DMBT1: variants seen among roughly 807,000 people sequenced by gnomAD.
DMBT1 encodes scavenger receptor cysteine-rich domain-containing protein DMBT1.
Under a neutral mutation model 252.9 loss-of-function variants are expected in DMBT1, and 198 were observed. That is an observed-to-expected ratio of 0.78 (90% CI 0.70 to 0.88). The LOEUF is 0.88. DMBT1 is among the 40% of genes least tolerant of loss of function. The pLI is 0.00. For synonymous variants in DMBT1, 990 were observed against 942.7 expected (o/e 1.05, Z -0.92); for missense variants, 2,432 against 2,404.7 (o/e 1.01, Z -0.24).
At chr10:122,626,990 G>A (rs1237237307) in intron 46 of DMBT1, among the ~76,000 whole-genome samples, 6 of 152,166 alleles carry the variant, frequency 3.9e-5, no homozygotes, top group African/African-American at 1.4e-4. Flanking sequence ...GGGCAAGGAG[G>A]GACTGCAGGA....
rs766724935 is a variant in DMBT1 at position 122,589,071 on chromosome 10, T to C, written c.1911T>C (p.Asn637=). 1.9e-6 allele frequency: 3 copies of C among 1,588,726 alleles called. No homozygotes were observed. The highest frequency in any genetic ancestry group is 1.2e-5 in the South Asian group (1 of 86,918). ...CDDSWDTNDA[N]VVCRQLGCGW... ...ACAGCTGGGACACCAATGATGCCAA[T>C]GTGGTCTGCAGGCAGCTGGGCTGTG... The change falls in exon 17 of 56, where the codon AAT becomes AAC. Residue 637 remains asparagine (N), a synonymous_variant. Coordinates refer to ENST00000338354, the MANE Select transcript of DMBT1 (RefSeq NM_001377530.1).
At chr10:122,616,845 A>G in intron 39 of DMBT1, among the ~76,000 whole-genome samples, 1 of 63,172 alleles carries the variant, frequency 1.6e-5, no homozygotes, top group Admixed American at 1.9e-4. Flanking sequence ...TTAGCCAGAA[A>G]CCTGATTCCT....
intron 20 of DMBT1, among the ~76,000 whole-genome samples, chr10:122,593,331 C>T (rs190661056): frequency 2.6e-3 from 381 of 148,160 alleles, no homozygotes; most frequent in African/African-American, 8.7e-3. Flanking sequence ...TTAGGTCAAC[C>T]GGGTTACCCT....
At position 122,630,431 on chromosome 10, in the gene DMBT1, G is replaced by T. The variant is rs7099177; in HGVS notation, c.5966G>T (p.Arg1989Leu). 2,736 of 1,613,900 alleles carry T rather than the reference G, an allele frequency of 1.7e-3. 28 individuals are homozygous for T. The African/African-American group carries it at 0.027, about 16-fold the overall frequency. ...SSYNRMTIHF[R>L]SDISFQNTGF... is the part of the protein sequence containing the mutation. Reference sequence around the variant, plus strand: ...TACAACCGAATGACCATTCACTTTCGAAGTGACATCAGTTTCCAAAACACT... The same window carrying T: ...TACAACCGAATGACCATTCACTTTCTAAGTGACATCAGTTTCCAAAACACT... The change falls in exon 48 of 56, where the codon CGA becomes CTA. Residue 1989 changes from arginine to leucine, a missense_variant. This residue lies in a region of DMBT1 where 1,162 missense variants were observed against 1,169.0 expected (regional missense o/e 0.99). Transcript: ENST00000338354.
At chr10:122,566,588 G>T (rs1392452102) in intron 2 of DMBT1, among the ~76,000 whole-genome samples, 1 of 152,162 alleles carries the variant, frequency 6.6e-6, no homozygotes, top group African/African-American at 2.4e-5. Flanking sequence ...GGGGTTACAG[G>T]CATGAGCCAC....
At chr10:122,625,342 G>A in intron 45 of DMBT1, 39 bp downstream of exon 45, 2 of 1,586,920 alleles carry the variant, frequency 1.3e-6, no homozygotes, top group Non-Finnish European at 1.7e-6. Context: ...TATTTCTCTT[G>A]GGAATTCCAC....
At chr10:122,640,865 C>T (rs148334918) in intron 55 of DMBT1, among the ~76,000 whole-genome samples, 1 of 152,310 alleles carries the variant, frequency 6.6e-6, no homozygotes, top group Non-Finnish European at 1.5e-5. Flanking sequence ...GGTTGAAATG[C>T]CAGCTCTGCC....
At chr10:122,617,303 G>T (rs1393569739) in intron 40 of DMBT1, 43 bp downstream of exon 40, 1 of 1,593,144 alleles carries the variant, frequency 6.3e-7, no homozygotes, top group Non-Finnish European at 8.6e-7. Context: ...ACTATCTCTG[G>T]ACATATTTTG....
intron 46 of DMBT1, among the ~76,000 whole-genome samples, chr10:122,627,932 T>G (rs1257099944): frequency 6.6e-6 from 1 of 152,188 alleles, no homozygotes; most frequent in African/African-American, 2.4e-5. Context: ...GAGAAGGCAT[T>G]GGAAAGATGC....
chr10:122,560,898 T>C, intron 1 of DMBT1, 67 bp downstream of exon 1: 2 of 1,222,356 alleles, frequency 1.6e-6, no homozygotes, highest in Non-Finnish European at 2.3e-6. Flanking sequence ...AAATTATATC[T>C]ACTACTTTCC....
chr10:122,638,301 C>T (rs528501309), intron 54 of DMBT1, among the ~76,000 whole-genome samples: 1 of 151,164 alleles, frequency 6.6e-6, no homozygotes, highest in Non-Finnish European at 1.5e-5. Context: ...CCATTCACAC[C>T]CATTCACACT....
At chr10:122,598,729 A>T in intron 25 of DMBT1, 45 bp from the exon 26 acceptor site, 2 of 1,611,980 alleles carry the variant, frequency 1.2e-6, no homozygotes, top group Non-Finnish European at 1.7e-6. Context: ...TAGATTCCTG[A>T]CCTCATGATA....
rs574761699 is a variant in DMBT1, at chr10:122,579,129, G to A, written c.679+370G>A. On this transcript the variant is annotated intron_variant, in intron 9 of 55. Coordinates refer to ENST00000338354, the MANE Select transcript of DMBT1 (RefSeq NM_001377530.1). ...TGTCTCCTGTGGGATCCTGTTCCAA[G>A]TGGTCAGAAAAGATCCTTATCTATG... Among the ~76,000 whole-genome samples the A allele has an allele frequency of 3.3e-5, 5 of 152,244 alleles. No individual in the cohort carries two copies. In the South Asian group the frequency reaches 1.0e-3, roughly 32 times the overall value.
chr10:122,576,662 C>A lies in DMBT1; in HGVS notation c.547C>A (p.His183Asn), dbSNP rs1002033741. The A allele has an allele frequency of 6.2e-7, 1 of 1,613,666 alleles. No homozygotes were observed. The highest frequency in any genetic ancestry group is 1.3e-5 in the African/African-American group (1 of 74,904). ...CGAATCCTACCTGTGGAGCTGCCCC[C>A]ACAATGGCTGGCTCTCCCATAACTG... Reference protein sequence around the residue: ...GHESYLWSCPHNGWLSHNCGH... With the variant: ...GHESYLWSCPNNGWLSHNCGH... Residue 183 changes from histidine (H) to asparagine (N), a missense_variant, in exon 7 of 56, where the codon CAC becomes AAC. His to Asn is a moderately conservative substitution (Grantham distance 68, BLOSUM62 1). Around this residue, in one of 3 missense-constraint regions of DMBT1, gnomAD observed 1,264 missense variants for 1,082.2 expected, o/e 1.17. Coordinates refer to ENST00000338354, the MANE Select transcript of DMBT1 (RefSeq NM_001377530.1).
intron 44 of DMBT1, among the ~76,000 whole-genome samples, chr10:122,624,852 G>A (rs1229366104): frequency 1.3e-5 from 2 of 152,070 alleles, no homozygotes; most frequent in African/African-American, 2.4e-5. Context: ...GTTCAGATGG[G>A]CCTCCAAGAC....
Position 122,593,441 on chromosome 10 carries a change from C to T in DMBT1, c.2501-128C>T, listed in dbSNP as rs2097868518. The T allele has an allele frequency of 2.7e-6, 3 of 1,131,544 alleles. No individual in the cohort carries two copies. In the African/African-American group the frequency reaches 4.4e-5, roughly 17 times the overall value. 70.1% of individuals were successfully genotyped at this position (1,131,544 alleles called of 1,614,324 possible). On this transcript the variant is annotated intron_variant, in intron 20 of 55. Transcript: ENST00000338354. The stretch of plus-strand genomic sequence containing the variant: ...TCTGTGGGGATGTGCATGGCAATGT[C>T]CCTCCCTGTGTGATAGGAACTAGGA...
intron 16 of DMBT1, among the ~76,000 whole-genome samples, chr10:122,587,475 G>C (rs1055176873): frequency 6.7e-6 from 1 of 148,762 alleles, no homozygotes; most frequent in Admixed American, 6.7e-5. Context: ...GAGGCTTACT[G>C]AGCAAAGCCT....
At chr10:122,629,016 G>C (rs1364719939) in intron 46 of DMBT1, among the ~76,000 whole-genome samples, 1 of 152,250 alleles carries the variant, frequency 6.6e-6, no homozygotes, top group East Asian at 1.9e-4. Context: ...CTATCACTGA[G>C]TGTGCACATG....
At chr10:122,560,906 T>C in intron 1 of DMBT1, 75 bp downstream of exon 1, 3 of 1,152,684 alleles carry the variant, frequency 2.6e-6, no homozygotes, top group Non-Finnish European at 3.8e-6. Context: ...TCTACTACTT[T>C]CCATTACAAG....
Sources: gnomAD v4.1 joint callset for allele counts (sites outside exome capture counted in the v4.1 genomes callset) on GRCh38, gnomAD v4.1.1 for gene constraint, gnomAD v4.1.1 regional missense constraint, MANE v1.5 for transcripts, NCBI Gene and HGNC (gene_info 2026-07-23, HGNC 2026-07-21) for gene names.